FHOD3: variants seen among roughly 807,000 people sequenced by gnomAD.
The protein encoded by FHOD3 is formin homology 2 domain containing 3, also known as FH1/FH2 domain-containing protein 3.
A neutral mutation model predicts 173.0 loss-of-function variants in FHOD3; 90 were observed. The ratio of observed to expected loss-of-function variants is 0.52; its 90% CI spans 0.44 to 0.62. The LOEUF is 0.62. Among genes scored for constraint, FHOD3 ranks in the 20% least tolerant of loss-of-function variants. FHOD3 has a pLI of 0.00. For synonymous variants in FHOD3, 828 were observed against 823.0 expected, an observed-to-expected ratio of 1.01 and a Z score of -0.10; for missense variants, 1,945 against 2,034.7, an observed-to-expected ratio of 0.96 and a Z score of 0.85.
intron 10 of FHOD3, among the ~76,000 whole-genome samples, chr18:36,640,723 GTCTGGGGTGACTGGGC>G (rs1389354506): frequency 6.6e-6 from 1 of 152,206 alleles, no homozygotes. Context: ...CAGCAGGCAA[GTCTGGGGTGACTGGGC>G]TCTGGGCTGG....
chr18:36,469,258 C>T (rs897843083), intron 3 of FHOD3, among the ~76,000 whole-genome samples: 8 of 152,200 alleles, frequency 5.3e-5, no homozygotes, highest in African/African-American at 1.9e-4. Flanking sequence ...TTACTGTTTA[C>T]TCCTTCTTTA....
At chr18:36,434,195 A>G (rs572783346) in intron 3 of FHOD3, among the ~76,000 whole-genome samples, 1 of 152,352 alleles carries the variant, frequency 6.6e-6, no homozygotes, top group South Asian at 2.1e-4. Flanking sequence ...GTTTTCTGGT[A>G]GACATTTAAT....
chr18:36,716,662 G>A (rs2040465250), intron 18 of FHOD3, among the ~76,000 whole-genome samples: 1 of 152,218 alleles, frequency 6.6e-6, no homozygotes, highest in Non-Finnish European at 1.5e-5. Context: ...CTGTGAGGGA[G>A]GAGGGAGTGG....
At chr18:36,572,730 T>TC (rs68104660) in intron 5 of FHOD3, among the ~76,000 whole-genome samples, 1 of 151,354 alleles carries the variant, frequency 6.6e-6, no homozygotes, top group South Asian at 2.1e-4. Flanking sequence ...CCTGAGCTCT[T>TC]GGGGGGAGGC....
At chr18:36,344,093 C>A (rs2045765679) in intron 1 of FHOD3, among the ~76,000 whole-genome samples, 1 of 152,118 alleles carries the variant, frequency 6.6e-6, no homozygotes, top group African/African-American at 2.4e-5. Context: ...TAAATTATCT[C>A]AATAAAGCTG....
At position 36,780,059 on chromosome 18, in the gene FHOD3, A is replaced by T. The variant is rs2043964688; in HGVS notation, c.*529A>T. The stretch of plus-strand genomic sequence containing the variant: ...TAAATAAATAGAGTTTAATGCCATA[A>T]TGAGAAACTTTTATTCTTCTGGGAA... On this transcript the variant is annotated 3_prime_UTR_variant, in exon 29 of 29. Coordinates refer to ENST00000590592, the MANE Select transcript of FHOD3 (RefSeq NM_001281740.3). 2 of 1,009,490 alleles carry T rather than the reference A, an allele frequency of 2.0e-6. No individual in the cohort carries two copies. The highest frequency in any genetic ancestry group is 1.7e-5 in the African/African-American group (1 of 59,908). The allele number at this position is 1,009,490 out of a possible 1,614,324, so 62.5% of individuals were successfully genotyped here.
chr18:36,413,895 A>G (rs1330869781), intron 3 of FHOD3, among the ~76,000 whole-genome samples: 1 of 152,184 alleles, frequency 6.6e-6, no homozygotes, highest in East Asian at 1.9e-4. Context: ...GTAACTATTA[A>G]GCATTAACTT....
chr18:36,556,292 A>AATACAGTTGGCCCTC (rs2057881498), intron 5 of FHOD3, among the ~76,000 whole-genome samples: 2 of 152,180 alleles, frequency 1.3e-5, no homozygotes, highest in East Asian at 3.8e-4. Context: ...TTTTTCAGTA[A>AATACAGTTGGCCCTC]ATACAGTTGG....
intron 20 of FHOD3, among the ~76,000 whole-genome samples, chr18:36,738,899 T>C (rs2041772121): frequency 6.6e-6 from 1 of 152,226 alleles, no homozygotes; most frequent in South Asian, 2.1e-4. Context: ...AATTTAGTTG[T>C]TCTAGTTCTT....
chr18:36,320,194 A>C (rs2044323668), intron 1 of FHOD3, among the ~76,000 whole-genome samples: 1 of 152,322 alleles, frequency 6.6e-6, no homozygotes, highest in Admixed American at 6.5e-5. Flanking sequence ...TGAATCCAGG[A>C]GCTGGTTTTT....
At chr18:36,385,121 T>C (rs1196421277) in intron 3 of FHOD3, among the ~76,000 whole-genome samples, 1 of 152,226 alleles carries the variant, frequency 6.6e-6, no homozygotes, top group African/African-American at 2.4e-5. Context: ...ATCACAGAAT[T>C]GTATTAACTA....
intron 5 of FHOD3, among the ~76,000 whole-genome samples, chr18:36,514,558 A>G (rs1461671045): frequency 6.6e-6 from 1 of 152,188 alleles, no homozygotes. Context: ...CTAATTCTGA[A>G]TAGTGGGTCC....
chr18:36,770,036 C>T (rs1005721367), intron 28 of FHOD3, among the ~76,000 whole-genome samples: 3 of 152,234 alleles, frequency 2.0e-5, no homozygotes, highest in Non-Finnish European at 4.4e-5. Flanking sequence ...CTACTGCCTG[C>T]TCCTGCCCAC....
chr18:36,680,340 C>T (rs1248047258), intron 14 of FHOD3, among the ~76,000 whole-genome samples: 2 of 152,326 alleles, frequency 1.3e-5, no homozygotes, highest in Non-Finnish European at 2.9e-5. Flanking sequence ...GTGTTCCCCA[C>T]CTTGCAGGTA....
In FHOD3 at chr18:36,709,352, G is replaced by A. The variant is rs1451852171; in HGVS notation, c.2494G>A (p.Glu832Lys). 2.5e-6 allele frequency: 4 copies of A among 1,614,200 alleles called. No individual in the cohort carries two copies. The highest frequency in any genetic ancestry group is 3.3e-5 in the Admixed American group (2 of 60,036). ...VSSSSSTLER[E>K]EKEDKLSRDR... ...GTCCTCCAGCAGCACGTTGGAGAGGGAGGAGAAGGAGGACAAGCTCTCCAG... is the reference window on the plus strand; with the variant it reads ...GTCCTCCAGCAGCACGTTGGAGAGGAAGGAGAAGGAGGACAAGCTCTCCAG... Residue 832 changes from glutamate to lysine, a missense_variant, in exon 18 of 29, where the codon GAG (glutamate) becomes AAG (lysine). Glu to Lys is a moderately conservative substitution (Grantham distance 56). Coordinates refer to ENST00000590592, the MANE Select transcript of FHOD3 (RefSeq NM_001281740.3).
At chr18:36,467,064 C>T (rs2144966867) in intron 3 of FHOD3, among the ~76,000 whole-genome samples, 1 of 152,246 alleles carries the variant, frequency 6.6e-6, no homozygotes, top group East Asian at 1.9e-4. Flanking sequence ...CAGCTGTGGG[C>T]TGGTTTCTTC....
intron 3 of FHOD3, among the ~76,000 whole-genome samples, chr18:36,395,012 A>G (rs1294765244): frequency 6.6e-6 from 1 of 152,202 alleles, no homozygotes; most frequent in Non-Finnish European, 1.5e-5. Flanking sequence ...CTCTACCCCT[A>G]CATGTCCAGG....
chr18:36,380,105 A>G (rs2047662454), intron 3 of FHOD3, among the ~76,000 whole-genome samples: 1 of 152,214 alleles, frequency 6.6e-6, no homozygotes, highest in Non-Finnish European at 1.5e-5. Flanking sequence ...AATTCAGCGA[A>G]ACTGCTACCA....
intron 9 of FHOD3, among the ~76,000 whole-genome samples, chr18:36,617,564 C>T (rs985888326): frequency 5.6e-5 from 8 of 143,094 alleles, no homozygotes; most frequent in African/African-American, 1.3e-4. Context: ...AATGCTACTA[C>T]GAGAGTTCTT....
Sources: gnomAD v4.1 joint callset for allele counts (sites outside exome capture counted in the v4.1 genomes callset) on GRCh38, gnomAD v4.1.1 for gene constraint, MANE v1.5 for transcripts, NCBI Gene and HGNC (gene_info 2026-07-23, HGNC 2026-07-21) for gene names.